Variants in AHNAK observed in about 807,000 individuals in gnomAD.
The protein encoded by AHNAK is neuroblast differentiation-associated protein AHNAK.
AHNAK carries 23 observed loss-of-function variants against 37.8 expected under a neutral mutation model. The ratio of observed to expected loss-of-function variants is 0.61; its 90% confidence interval spans 0.44 to 0.86. AHNAK has a LOEUF of 0.86. Among genes scored for constraint, AHNAK ranks in the 40% least tolerant of loss-of-function variants. The probability of loss-of-function intolerance (pLI) is 0.00; values close to 1 mark genes in which losing one functional copy is unlikely to be tolerated. For synonymous variants in AHNAK, 2,481 were observed against 2,636.3 expected (o/e 0.94, Z 1.80); for missense variants, 7,411 against 7,319.4 (o/e 1.01, Z -0.46).
chr11:62,479,731 C>T (rs1480979840), intron 5 of AHNAK, among the ~76,000 whole-genome samples: 2 of 152,100 alleles, frequency 1.3e-5, no homozygotes, highest in Non-Finnish European at 2.9e-5. Context: ...TCTTCCACGA[C>T]GCACGAAACA....
rs965834485 is a variant in AHNAK at position 62,528,524 on chromosome 11, G to T, written c.5893C>A (p.Leu1965Met). The change falls in exon 5 of 5, where the codon CTG becomes ATG. Residue 1965 changes from leucine to methionine, a missense_variant. Transcript: ENST00000378024. ...TTCAACTTTGCATCAGGACACTCCAGCTCAACATCAGGCACCTCCACACCC... is the reference window on the plus strand; with the variant it reads ...TTCAACTTTGCATCAGGACACTCCATCTCAACATCAGGCACCTCCACACCC... ...SVGVEVPDVELECPDAKLKGP... is the reference protein window; with the variant it reads ...SVGVEVPDVEMECPDAKLKGP... 1 of 1,609,428 alleles carries T rather than the reference G, an allele frequency of 6.2e-7. No homozygotes were observed. The highest frequency in any genetic ancestry group is 1.4e-5 in the African/African-American group (1 of 73,454).
At position 62,519,278 on chromosome 11, in the gene AHNAK, G is replaced by T. The variant is rs889622058; in HGVS notation, c.15139C>A (p.Pro5047Thr). The stretch of plus-strand genomic sequence containing the variant: ...AGGCTGGCATCAATTTCACCCCCAG[G>T]AACATTCAGGTCAAATCCCTGTTTT... The part of the protein sequence containing the change: ...AKKQGFDLNV[P>T]GGEIDASLKA... The change falls in exon 5 of 5, where the codon CCT becomes ACT. Residue 5047 changes from proline to threonine, a missense_variant. By Grantham distance (38) the Pro-to-Thr change is conservative. Transcript: ENST00000378024. 1 of 1,614,112 alleles carries T rather than the reference G, an allele frequency of 6.2e-7. No homozygotes were observed. Among genetic ancestry groups the T allele is most frequent in the Non-Finnish European group, 8.5e-7 (1 of 1,180,020 alleles).
In AHNAK at chr11:62,534,135, G is replaced by A. The variant is rs574234856; in HGVS notation, c.343-61C>T. 848 of 1,479,330 alleles carry A rather than the reference G, an allele frequency of 5.7e-4. 1 individual carries two copies. The highest frequency in any genetic ancestry group is 6.7e-4 in the Non-Finnish European group (753 of 1,116,634). 91.6% of individuals were successfully genotyped at this position (1,479,330 alleles called of 1,614,324 possible). A position where few individuals can be genotyped will look rare whatever the true frequency, so the allele number is the denominator to read the frequency against. On this transcript the variant is annotated intron_variant, in intron 4 of 4. Coordinates refer to ENST00000378024, the MANE Select transcript of AHNAK (RefSeq NM_001620.3). ...AGTCTGCCTGAGTTAGCAGATGCCC[G>A]GCCACAGCCCAGCCGACAACACGTT...
Position 62,526,013 on chromosome 11 carries a change from C to T in AHNAK, c.8404G>A (p.Val2802Met), listed in dbSNP as rs1225165464. The change falls in exon 5 of 5, where the codon GTG becomes ATG. Residue 2802 changes from valine to methionine, a missense_variant. Coordinates refer to ENST00000378024, the MANE Select transcript of AHNAK (RefSeq NM_001620.3). Reference sequence around the variant, plus strand: ...TTCACATCGGGACATTCAACATCCACTTTCGGTCCTGAGACATCAATGTCA... The same window carrying T: ...TTCACATCGGGACATTCAACATCCATTTTCGGTCCTGAGACATCAATGTCA... Reference protein sequence around the residue: ...KADIDVSGPKVDVECPDVNIE... With the variant: ...KADIDVSGPKMDVECPDVNIE... 1.2e-6 allele frequency: 2 copies of T among 1,614,016 alleles called. No homozygotes were observed. The highest frequency in any genetic ancestry group is 2.2e-5 in the South Asian group (2 of 91,078).
rs374126786 is a variant in AHNAK at position 62,520,263 on chromosome 11, G to C, written c.14154C>G (p.Ala4718=). ...KFKMPEMSIK[A]PKISMPDIDL... ...CAATATCAGGCATGGAGATCTTGGG[G>C]GCTTTGATGCTCATCTCAGGCATCT... The change falls in exon 5 of 5, where the codon GCC becomes GCG. Residue 4718 remains alanine, a synonymous_variant. Coordinates refer to ENST00000378024, the MANE Select transcript of AHNAK (RefSeq NM_001620.3). The C allele has an allele frequency of 1.9e-6, 3 of 1,605,268 alleles. No individual in the cohort carries two copies. In the African/African-American group the frequency reaches 4.2e-5, roughly 22 times the overall value.
intron 4 of AHNAK, among the ~76,000 whole-genome samples, chr11:62,496,283 GA>G (rs1377359329): frequency 2.0e-5 from 3 of 152,100 alleles, no homozygotes; most frequent in African/African-American, 7.2e-5. Flanking sequence ...GGCTCCCTCT[GA>G]AAAGTGAACT....
rs761127346 is a variant in AHNAK at position 62,526,282 on chromosome 11, A to G, written c.8135T>C (p.Ile2712Thr). 34 of 1,613,570 alleles carry G rather than the reference A, an allele frequency of 2.1e-5. No individual in the cohort carries two copies. In the East Asian group the frequency reaches 6.5e-4, roughly 31 times the overall value. ...TTTGGGTCCTTTCAGGTTTAAGTCAATATCAGGCATGGAGATCTTGGGGGC... is the reference window on the plus strand; with the variant it reads ...TTTGGGTCCTTTCAGGTTTAAGTCAGTATCAGGCATGGAGATCTTGGGGGC... Reference protein sequence around the residue: ...IKAPKISMPDIDLNLKGPKVK... With the variant: ...IKAPKISMPDTDLNLKGPKVK... The change falls in exon 5 of 5, where the codon ATT (isoleucine) becomes ACT (threonine). Residue 2712 changes from isoleucine to threonine, a missense_variant. Transcript: ENST00000378024.
Position 62,523,345 on chromosome 11 carries a change from A to G in AHNAK, c.11072T>C (p.Val3691Ala). The G allele has an allele frequency of 6.2e-7, 1 of 1,613,192 alleles. No individual in the cohort carries two copies. Among genetic ancestry groups the G allele is most frequent in the Non-Finnish European group, 8.5e-7 (1 of 1,179,684 alleles). The change falls in exon 5 of 5, where the codon GTG becomes GCG. Residue 3691 changes from valine to alanine, a missense_variant. Val to Ala is a moderately conservative substitution (Grantham distance 64, BLOSUM62 0). Transcript: ENST00000378024. ...ATCACCTTCCACTTTGGGCAAAGAC[A>G]CAACCACATCACCCTTCATTTTGGG... ...KGPKMKGDVVVSLPKVEGDLK... is the reference protein window; with the variant it reads ...KGPKMKGDVVASLPKVEGDLK...
At chr11:62,473,727 C>G (rs1219792389) in intron 5 of AHNAK, among the ~76,000 whole-genome samples, 1 of 150,988 alleles carries the variant, frequency 6.6e-6, no homozygotes, top group African/African-American at 2.4e-5. Flanking sequence ...GAACCAGGCT[C>G]AGGTCACGCT....
At chr11:62,494,073 AAG>A (rs1367805596) in intron 4 of AHNAK, among the ~76,000 whole-genome samples, 1 of 152,102 alleles carries the variant, frequency 6.6e-6, no homozygotes, top group Admixed American at 6.5e-5. Flanking sequence ...TGAATGGTGT[AAG>A]AGTCTTTCAA....
At chr11:62,466,869 CTAAGA>C (rs1469370611) in intron 5 of AHNAK, among the ~76,000 whole-genome samples, 3 of 152,120 alleles carry the variant, frequency 2.0e-5, no homozygotes, top group Non-Finnish European at 2.9e-5. Flanking sequence ...AACAACATAA[CTAAGA>C]TAAGGAAGCA....
chr11:62,478,770 A>AG (rs1491034306), intron 5 of AHNAK, among the ~76,000 whole-genome samples: 28 of 119,464 alleles, frequency 2.3e-4, no homozygotes, highest in African/African-American at 6.9e-4. Flanking sequence ...AAAAAAAAAA[A>AG]AGAGAGAGAA....
downstream of AHNAK, among the ~76,000 whole-genome samples, chr11:62,513,916 G>A (rs1939960033): frequency 6.6e-6 from 1 of 151,996 alleles, no homozygotes; most frequent in Admixed American, 6.5e-5. Flanking sequence ...TTATTGCCAG[G>A]GCTCAAGGCA....
At position 62,517,380 on chromosome 11, in the gene AHNAK, C is replaced by T. The variant is rs1164272091; in HGVS notation, c.17037G>A (p.Gly5679=). ...CTGCTTTAGGGAAGTGAACATCCAC[C>T]CCCATTTCTCTGCCAACCAGCTCAC... ...SGRELVGREM[G]VDVHFPKAEA... The change falls in exon 5 of 5, where the codon GGG becomes GGA. Residue 5679 remains glycine, a synonymous_variant. Transcript: ENST00000378024. The T allele has an allele frequency of 5.0e-6, 8 of 1,614,064 alleles. No homozygotes were observed. In the Admixed American group the frequency reaches 8.3e-5, roughly 17 times the overall value.
chr11:62,469,915 T>C (rs1938996270), intron 5 of AHNAK, among the ~76,000 whole-genome samples: 1 of 152,186 alleles, frequency 6.6e-6, no homozygotes, highest in Non-Finnish European at 1.5e-5. Flanking sequence ...AGTTCATCAA[T>C]GTGTGTACTC....
rs78751114 is a variant in AHNAK, at chr11:62,488,583, T to C, written c.442+3149A>G. ...CCAGCTAATTTTTTTTTTTTTTTTT[T>C]GTATTTTCAGTAGAGACAGGATTTT... is the stretch of plus-strand genomic sequence containing the variant. On this transcript the variant is annotated intron_variant, in intron 5 of 5. Transcript: ENST00000257247. 2.0e-5 allele frequency among the ~76,000 whole-genome samples: 3 copies of C among 150,430 alleles called. No homozygotes were observed. In the East Asian group the frequency reaches 5.9e-4, roughly 29 times the overall value.
intron 5 of AHNAK, among the ~76,000 whole-genome samples, chr11:62,473,347 G>GCCATTGCA (rs892600100): frequency 1.6e-5 from 2 of 128,480 alleles, no homozygotes; most frequent in Non-Finnish European, 3.1e-5. Flanking sequence ...CCGAGATCAT[G>GCCATTGCA]CCATTGCACT....
chr11:62,452,787 G>A lies in AHNAK; in HGVS notation c.443-18896C>T, dbSNP rs941568186. Among the ~76,000 whole-genome samples the A allele has an allele frequency of 6.6e-5, 10 of 152,162 alleles. No homozygotes were observed. The East Asian group carries it at 1.2e-3, about 18-fold the overall frequency. On this transcript the variant is annotated intron_variant, in intron 5 of 5. Coordinates refer to the AHNAK transcript ENST00000257247. ...CACCTGTAATCCCAACACTTTGGGAGGCCAAGGCGGGCAGATCACTTGAGG... is the reference window on the plus strand; with the variant it reads ...CACCTGTAATCCCAACACTTTGGGAAGCCAAGGCGGGCAGATCACTTGAGG...
In AHNAK at chr11:62,524,113, A is replaced by G. The variant is rs148347501; in HGVS notation, c.10304T>C (p.Ile3435Thr). The G allele has an allele frequency of 1.7e-4, 275 of 1,614,144 alleles. No homozygotes were observed. In the African/African-American group the frequency reaches 3.3e-3, roughly 20 times the overall value. ...KSPKVKGDLD[I>T]AGPNLEGDFK... ...GTCACCTTCTAAATTGGGACCTGCAATATCTAAGTCTCCTTTGACTTTGGG... is the reference window on the plus strand; with the variant it reads ...GTCACCTTCTAAATTGGGACCTGCAGTATCTAAGTCTCCTTTGACTTTGGG... Residue 3435 changes from isoleucine to threonine, a missense_variant, in exon 5 of 5, where the codon ATT becomes ACT. Ile to Thr is a moderately conservative substitution (Grantham distance 89). Coordinates refer to ENST00000378024, the MANE Select transcript of AHNAK (RefSeq NM_001620.3).
Sources: gnomAD v4.1 joint callset for allele counts (sites outside exome capture counted in the v4.1 genomes callset) on GRCh38, gnomAD v4.1.1 for gene constraint, MANE v1.5 for transcripts, NCBI Gene and HGNC (gene_info 2026-07-23, HGNC 2026-07-21) for gene names.